PCGF3: variants seen among roughly 807,000 people sequenced by gnomAD.
PCGF3 encodes the protein polycomb group ring finger 3.
A neutral mutation model predicts 33.1 loss-of-function variants in PCGF3; 7 were observed. The ratio of observed to expected loss-of-function variants is 0.21; its 90% CI spans 0.12 to 0.40. PCGF3 has a LOEUF of 0.40. Among genes scored for constraint, PCGF3 ranks in the 10% least tolerant of loss-of-function variants. PCGF3 has a pLI of 1.00. For missense variants in PCGF3, 211 were observed against 313.3 expected (o/e 0.67, Z 2.46); for synonymous variants, 153 against 121.3 (o/e 1.26, Z -1.72).
chr4:763,434 TCAGG>T (rs1227550780), intron 9 of PCGF3, among the ~76,000 whole-genome samples: 1 of 152,142 alleles, frequency 6.6e-6, no homozygotes, highest in African/African-American at 2.4e-5. Flanking sequence ...ACCCAGCCAC[TCAGG>T]CAGGTGGGGC....
Position 735,040 on chromosome 4 carries a change from C to T in PCGF3, c.206+13C>T. On this transcript the variant is annotated intron_variant, in intron 5 of 10. Coordinates refer to ENST00000362003, the Ensembl canonical transcript of PCGF3. ...TGCAGTACATCGGGTGAGTGTGGGC[C>T]TTCCCAGGCCACAGTACGTGGGGTG... 6.2e-7 allele frequency: 1 copy of T among 1,609,890 alleles called. No homozygotes were observed. The highest frequency in any genetic ancestry group is 8.5e-7 in the Non-Finnish European group (1 of 1,178,952).
chr4:731,127 C>G lies in PCGF3; in HGVS notation c.-10+17C>G, dbSNP rs1743536907. The G allele has an allele frequency of 5.0e-6, 2 of 398,470 alleles. No individual in the cohort carries two copies. The highest frequency in any genetic ancestry group is 3.6e-5 in the East Asian group (1 of 28,074). The allele number at this position is 398,470 out of a possible 1,614,324, so 24.7% of individuals were successfully genotyped here. ...CTAGCGGAGGTGAGGCCCACGCCCCCCGACCCCGGGGGTCCTGCTGACTCC... is the reference window on the plus strand; with the variant it reads ...CTAGCGGAGGTGAGGCCCACGCCCCGCGACCCCGGGGGTCCTGCTGACTCC... On this transcript the variant is annotated intron_variant, in intron 3 of 10. Transcript: ENST00000362003.
chr4:715,416 G>A (rs1358310682), intron 1 of PCGF3, among the ~76,000 whole-genome samples: 1 of 147,210 alleles, frequency 6.8e-6, no homozygotes, highest in Non-Finnish European at 1.5e-5. Flanking sequence ...GACACTGAGT[G>A]TGAGCACTGG....
chr4:736,344 G>A (rs986377374), intron 5 of PCGF3, among the ~76,000 whole-genome samples: 2 of 152,122 alleles, frequency 1.3e-5, no homozygotes, highest in African/African-American at 2.4e-5. Flanking sequence ...CACCACACCC[G>A]GCCCTCACAG....
chr4:727,341 G>T (rs1244000999), intron 1 of PCGF3, among the ~76,000 whole-genome samples: 1 of 148,624 alleles, frequency 6.7e-6, no homozygotes, highest in Non-Finnish European at 1.5e-5. Flanking sequence ...CCCGGGTTCA[G>T]GCGATTCTCC....
intron 1 of PCGF3, among the ~76,000 whole-genome samples, chr4:708,095 G>T (rs113674949): frequency 1.4e-5 from 2 of 143,964 alleles, no homozygotes; most frequent in Non-Finnish European, 3.0e-5. Flanking sequence ...TCACCTGGGG[G>T]CCGGGACCCT....
chr4:758,721 G>T (rs11732991), intron 8 of PCGF3, among the ~76,000 whole-genome samples: 687 of 26,286 alleles, frequency 0.026, no homozygotes, highest in Non-Finnish European at 0.044. Flanking sequence ...CGGACTCCGG[G>T]TCTTTCTCCC....
At chr4:760,681 G>C (rs1312494253) in intron 8 of PCGF3, among the ~76,000 whole-genome samples, 1 of 152,248 alleles carries the variant, frequency 6.6e-6, no homozygotes, top group Non-Finnish European at 1.5e-5. Flanking sequence ...GGCACATCTT[G>C]GGGGCCAAGC....
intron 10 of PCGF3, 86 bp downstream of exon 10, chr4:765,150 C>G (rs1745290549): frequency 1.1e-6 from 1 of 949,324 alleles, no homozygotes; most frequent in East Asian, 2.5e-5. Context: ...TTAAATGACT[C>G]CAGCTGGGTG....
At chr4:737,333 TG>T in intron 5 of PCGF3, 132 bp from the exon 6 acceptor site, 1 of 667,326 alleles carries the variant, frequency 1.5e-6, no homozygotes, top group Non-Finnish European at 2.7e-6. Flanking sequence ...TTTTTTCATG[TG>T]TAAACTAGAA....
At chr4:715,697 G>C (rs1742797051) in intron 1 of PCGF3, among the ~76,000 whole-genome samples, 1 of 131,780 alleles carries the variant, frequency 7.6e-6, no homozygotes, top group Non-Finnish European at 1.6e-5. Flanking sequence ...CTGGGCGTCG[G>C]TGCTGGGACC....
chr4:765,867 C>T (rs1221198726), intron 10 of PCGF3, among the ~76,000 whole-genome samples, 165 bp from the exon 11 acceptor site: 2 of 152,186 alleles, frequency 1.3e-5, no homozygotes, highest in Non-Finnish European at 2.9e-5. Flanking sequence ...CCCCCAGCAA[C>T]TTCTGGGGGA....
intron 6 of PCGF3, among the ~76,000 whole-genome samples, chr4:743,236 G>A (rs1744169916): frequency 6.6e-6 from 1 of 152,222 alleles, no homozygotes; most frequent in South Asian, 2.1e-4. Flanking sequence ...CCTAGGCCTG[G>A]AGCAGCCGGT....
rs1453268741 is a variant in PCGF3 at position 720,504 on chromosome 4, G to C, written c.-189-10126G>C. On this transcript the variant is annotated intron_variant, in intron 1 of 10. Transcript: ENST00000362003. This position sits in a 1 kb window ranked among gnomAD's most constrained non-coding sequence, Gnocchi z 5.6. ...CACCCGTGAGTGGGTAGGGCCTCCT[G>C]CCAGGGAGCCTTGTGCATGGCTGGG... is the stretch of plus-strand genomic sequence containing the variant. 6.6e-6 allele frequency among the ~76,000 whole-genome samples: 1 copy of C among 152,218 alleles called. No individual in the cohort carries two copies. Among genetic ancestry groups the C allele is most frequent in the Non-Finnish European group, 1.5e-5 (1 of 68,032 alleles).
At chr4:718,692 C>T (rs1005175167) in intron 1 of PCGF3, among the ~76,000 whole-genome samples, 2 of 152,164 alleles carry the variant, frequency 1.3e-5, no homozygotes, top group Non-Finnish European at 2.9e-5. Context: ...AGGCAACACC[C>T]TGAGTGGGGC....
chr4:712,966 G>A (rs1332215672), intron 1 of PCGF3, among the ~76,000 whole-genome samples: 1 of 152,164 alleles, frequency 6.6e-6, no homozygotes, highest in African/African-American at 2.4e-5. Flanking sequence ...GTCTTATGGG[G>A]GCTGTGAGCC....
At chr4:729,266 T>C (rs922104624) in intron 1 of PCGF3, among the ~76,000 whole-genome samples, 3 of 151,666 alleles carry the variant, frequency 2.0e-5, no homozygotes, top group Admixed American at 6.6e-5. Context: ...AATACAAAAA[T>C]TAGCCAGGTG....
intron 1 of PCGF3, among the ~76,000 whole-genome samples, chr4:730,094 G>C (rs866967612): frequency 6.6e-6 from 1 of 150,594 alleles, no homozygotes; most frequent in East Asian, 2.0e-4. Flanking sequence ...CATCCCCACT[G>C]AGCCCAACAC....
chr4:747,687 C>T (rs7700173), intron 8 of PCGF3, among the ~76,000 whole-genome samples: 6,322 of 138,510 alleles, frequency 0.046, 121 homozygotes, highest in African/African-American at 0.14. Flanking sequence ...TGTTAGTGCT[C>T]GCCGTGGAGG....
Sources: gnomAD v4.1 joint callset for allele counts (sites outside exome capture counted in the v4.1 genomes callset) on GRCh38, gnomAD v4.1.1 for gene constraint, Gnocchi (gnomAD v3.1) non-coding constraint, MANE v1.5 for transcripts, NCBI Gene and HGNC (gene_info 2026-07-23, HGNC 2026-07-21) for gene names.